The following MSL2 variants were observed in gnomAD, a reference collection of about 807,000 sequenced individuals.
MSL2 encodes MSL complex subunit 2.
A neutral mutation model predicts 35.8 loss-of-function variants in MSL2; 2 were observed. The observed-to-expected ratio is 0.06, with a 90% CI of 0.02 to 0.18. MSL2 has a LOEUF of 0.18. Among genes scored for constraint, MSL2 ranks in the 10% least tolerant of loss-of-function variants. The pLI is 1.00. For synonymous variants in MSL2, 296 were observed against 255.7 expected, an observed-to-expected ratio of 1.16 and a Z score of -1.50; for missense variants, 523 against 706.7, an observed-to-expected ratio of 0.74 and a Z score of 2.95.
Position 136,194,985 on chromosome 3 carries a change from C to T in MSL2, c.129G>A (p.Ser43=), listed in dbSNP as rs760657756. 6.2e-7 allele frequency: 1 copy of T among 1,613,664 alleles called. No individual in the cohort carries two copies. Among genetic ancestry groups the T allele is most frequent in the Admixed American group, 1.7e-5 (1 of 59,798 alleles). ...AAAGCGTCTCACCGCAAACACAGCA[C>T]GAAAGGGACTGTCGGAAGTAAGGCA... ...RLLPYFRQSL[S]CCVCGHLLQD... The change falls in exon 1 of 2, where the codon TCG becomes TCA. Residue 43 remains serine (S), a synonymous_variant. Coordinates refer to ENST00000309993, the MANE Select transcript of MSL2 (RefSeq NM_018133.4).
At position 136,151,233 on chromosome 3, in the gene MSL2, C is replaced by G; in HGVS notation, c.1648G>C (p.Gly550Arg). Residue 550 changes from glycine (G) to arginine (R), a missense_variant, in exon 2 of 2, where the codon GGG becomes CGG. By Grantham distance (125) the Gly-to-Arg change is moderately radical. Coordinates refer to ENST00000309993, the MANE Select transcript of MSL2 (RefSeq NM_018133.4). This position sits in a 1 kb window ranked among gnomAD's most constrained non-coding sequence, Gnocchi z 5.2. ...STSTSVINVT[G>R]SPVTTFLAAS... ...GCTAAAAACGTCGTTACTGGGGACC[C>G]TGTGACATTTATTACACTGGTGCTG... The G allele has an allele frequency of 6.2e-6, 10 of 1,614,228 alleles. No individual in the cohort carries two copies. Among genetic ancestry groups the G allele is most frequent in the Non-Finnish European group, 8.5e-6 (10 of 1,180,030 alleles).
intron 1 of MSL2, among the ~76,000 whole-genome samples, chr3:136,163,942 G>A (rs760601548): frequency 6.6e-6 from 1 of 152,132 alleles, no homozygotes; most frequent in Non-Finnish European, 1.5e-5. Flanking sequence ...GCTGAACTGT[G>A]AGTCAATTAA....
At chr3:136,174,584 G>A (rs1478677097) in intron 1 of MSL2, among the ~76,000 whole-genome samples, 1 of 152,168 alleles carries the variant, frequency 6.6e-6, no homozygotes, top group African/African-American at 2.4e-5. Flanking sequence ...CAAAAGGAAG[G>A]GGAGGATGGA....
rs1939293051 is a variant in MSL2, at chr3:136,149,736, A to G, written c.*1411T>C. The G allele has an allele frequency of 6.6e-6, 1 of 152,220 alleles. No homozygotes were observed. Among genetic ancestry groups the G allele is most frequent in the East Asian group, 1.9e-4 (1 of 5,202 alleles). The allele number at this position is 152,220 out of a possible 1,614,324, so 9.4% of individuals were successfully genotyped here. On this transcript the variant is annotated 3_prime_UTR_variant, in exon 2 of 2. Coordinates refer to ENST00000309993, the MANE Select transcript of MSL2 (RefSeq NM_018133.4). Reference sequence around the variant, plus strand: ...CAAAGGTTTCTTCTCCATGTCTTGTACTAGGCGAGTAACCATCATTGAACA... The same window carrying G: ...CAAAGGTTTCTTCTCCATGTCTTGTGCTAGGCGAGTAACCATCATTGAACA...
In MSL2 at chr3:136,171,854, T is replaced by C. The variant is rs182603227; in HGVS notation, c.143-19116A>G. 3.9e-5 allele frequency among the ~76,000 whole-genome samples: 6 copies of C among 152,308 alleles called. No individual in the cohort carries two copies. The East Asian group carries it at 7.7e-4, about 20-fold the overall frequency. On this transcript the variant is annotated intron_variant, in intron 1 of 1. Transcript: ENST00000309993. ...AGGTATCATGTTGAGGTAACAGGTA[T>C]GTATGTGAGAGTTTTATTCTACTTT...
rs1055631492 is a variant in MSL2, at chr3:136,195,924, C to G, written c.-811G>C. 3 of 626,026 alleles carry G rather than the reference C, an allele frequency of 4.8e-6. No homozygotes were observed. The highest frequency in any genetic ancestry group is 6.0e-6 in the Non-Finnish European group (3 of 503,342). 38.8% of individuals were successfully genotyped at this position (626,026 alleles called of 1,614,324 possible). On this transcript the variant is annotated 5_prime_UTR_variant, in exon 1 of 2. Transcript: ENST00000309993. ...GCGGCGGCGCCCCTCGCGCCTCAGT[C>G]GCACACTCCGGGGTCACCAGACTCA...
chr3:136,189,351 G>A (rs373465435), intron 1 of MSL2, among the ~76,000 whole-genome samples: 2 of 141,536 alleles, frequency 1.4e-5, no homozygotes, highest in East Asian at 2.0e-4. Context: ...GCTATCTATA[G>A]CTGAATTGTA....
At chr3:136,162,732 T>A (rs1021552851) in intron 1 of MSL2, among the ~76,000 whole-genome samples, 1 of 152,206 alleles carries the variant, frequency 6.6e-6, no homozygotes, top group Non-Finnish European at 1.5e-5. Context: ...AAATGTTACA[T>A]GAAATCTCTG....
chr3:136,173,901 A>G lies in MSL2; in HGVS notation c.142+21071T>C, dbSNP rs1177199136. Among the ~76,000 whole-genome samples the G allele has an allele frequency of 2.6e-5, 4 of 152,130 alleles. 1 individual carries two copies. The South Asian group carries it at 8.3e-4, about 32-fold the overall frequency. ...CATACTCCATTCTCACCCACCACTG[A>G]CCATTCCAAAACATGCAATGCTTAC... On this transcript the variant is annotated intron_variant, in intron 1 of 1. Transcript: ENST00000309993.
chr3:136,195,966 T>G lies in MSL2; in HGVS notation c.-853A>C. ...CCAGACTCAAGCGCCGCCCCCTCAC[T>G]GCCCGGCCATTTTTTCGGCGCCACA... On this transcript the variant is annotated 5_prime_UTR_variant, in exon 1 of 2. Transcript: ENST00000309993. 3 of 298,516 alleles carry G rather than the reference T, an allele frequency of 1.0e-5. No homozygotes were observed. Among genetic ancestry groups the G allele is most frequent in the Non-Finnish European group, 1.5e-5 (3 of 203,106 alleles). 18.5% of individuals were successfully genotyped at this position (298,516 alleles called of 1,614,324 possible). A position where few individuals can be genotyped will look rare whatever the true frequency, so the allele number is the denominator to read the frequency against.
At chr3:136,164,565 A>G (rs972301435) in intron 1 of MSL2, among the ~76,000 whole-genome samples, 3 of 152,234 alleles carry the variant, frequency 2.0e-5, no homozygotes, top group African/African-American at 7.2e-5. Context: ...AGAAATAGAA[A>G]AGAGTCATTC....
intron 1 of MSL2, among the ~76,000 whole-genome samples, chr3:136,185,135 C>A (rs778797774): frequency 3.3e-5 from 5 of 151,994 alleles, no homozygotes; most frequent in Non-Finnish European, 1.5e-5. Flanking sequence ...CCACCACACC[C>A]GGCTTATTTT....
chr3:136,172,668 G>A (rs998356532), intron 1 of MSL2, among the ~76,000 whole-genome samples: 1 of 151,810 alleles, frequency 6.6e-6, no homozygotes, highest in Non-Finnish European at 1.5e-5. Context: ...TCCTTAATAG[G>A]ATCTACTCTC....
chr3:136,154,087 T>TAAAAAAAAAAAAAAAAAAAAAAAAATA (rs149944952), intron 1 of MSL2, among the ~76,000 whole-genome samples: 1 of 135,560 alleles, frequency 7.4e-6, no homozygotes. Context: ...CCGTCTCATT[T>TAAAAAAAAAAAAAAAAAAAAAAAAATA]AAAAAAAAAA....
rs746352999 is a variant in MSL2 at position 136,152,725 on chromosome 3, T to C, written c.156A>G (p.Gln52=). The C allele has an allele frequency of 6.2e-7, 1 of 1,613,852 alleles. No individual in the cohort carries two copies. The highest frequency in any genetic ancestry group is 8.5e-7 in the Non-Finnish European group (1 of 1,179,794). The change falls in exon 2 of 2, where the codon CAA becomes CAG. Residue 52 remains glutamine, a synonymous_variant. Coordinates refer to ENST00000309993, the MANE Select transcript of MSL2 (RefSeq NM_018133.4). ...LSCCVCGHLL[Q]DPIAPTNSTC... ...TGGAGTTGGTGGGTGCAATAGGATC[T>C]TGTAGCAAATGTCCTAAGGGGGAGA...
rs554271214 is a variant in MSL2 at position 136,168,341 on chromosome 3, AAG to A, written c.143-15605_143-15604del. Among the ~76,000 whole-genome samples the A allele has an allele frequency of 5.3e-5, 8 of 152,370 alleles. No homozygotes were observed. The East Asian group carries it at 1.3e-3, about 26-fold the overall frequency. On this transcript the variant is annotated intron_variant, in intron 1 of 1. Transcript: ENST00000309993. ...AAATCATTACTAAAGAAAGAAGAAA[AAG>A]AACACAAACCAGTTATCTTAAAATA...
Position 136,153,885 on chromosome 3 carries a change from C to G in MSL2, c.143-1147G>C, listed in dbSNP as rs553649198. Among the ~76,000 whole-genome samples the G allele has an allele frequency of 5.3e-5, 8 of 151,918 alleles. No individual in the cohort carries two copies. The South Asian group carries it at 1.7e-3, about 32-fold the overall frequency. Reference sequence around the variant, plus strand: ...ATCACCTGAGGTCAGGACTTTGAGACTAGCCTGGCCAACATGGTGAAACCC... The same window carrying G: ...ATCACCTGAGGTCAGGACTTTGAGAGTAGCCTGGCCAACATGGTGAAACCC... On this transcript the variant is annotated intron_variant, in intron 1 of 1. Transcript: ENST00000309993.
At chr3:136,189,108 C>CAAAAAA (rs372715974) in intron 1 of MSL2, among the ~76,000 whole-genome samples, 15 of 38,604 alleles carry the variant, frequency 3.9e-4, no homozygotes, top group African/African-American at 5.0e-4. Flanking sequence ...CCTGTCTCTA[C>CAAAAAA]AAAAAAAAAA....
rs534812143 is a variant in MSL2 at position 136,156,141 on chromosome 3, G to T, written c.143-3403C>A. Reference sequence around the variant, plus strand: ...TCTTGATACATGTAATTCTACCAAGGTCTTCTTAATATGTTCTTTTAAACA... The same window carrying T: ...TCTTGATACATGTAATTCTACCAAGTTCTTCTTAATATGTTCTTTTAAACA... On this transcript the variant is annotated intron_variant, in intron 1 of 1. Coordinates refer to ENST00000309993, the MANE Select transcript of MSL2 (RefSeq NM_018133.4). The T allele has an allele frequency of 6.0e-4, 108 of 178,704 alleles. No individual in the cohort carries two copies. The Middle Eastern group carries it at 7.7e-3, about 13-fold the overall frequency. 11.1% of individuals were successfully genotyped at this position (178,704 alleles called of 1,614,324 possible). A position where few individuals can be genotyped will look rare whatever the true frequency, so the allele number is the denominator to read the frequency against.
Sources: allele counts gnomAD v4.1 joint callset (sites outside exome capture counted in the v4.1 genomes callset), GRCh38; gene constraint gnomAD v4.1.1; non-coding constraint Gnocchi (gnomAD v3.1); transcripts MANE v1.5; gene names NCBI Gene and HGNC (gene_info 2026-07-23, HGNC 2026-07-21).